The following GUCY1A2 variants were observed in gnomAD, a reference collection of about 807,000 sequenced individuals.
GUCY1A2 encodes the protein guanylate cyclase soluble subunit alpha-2.
Under a neutral mutation model 63.5 loss-of-function variants are expected in GUCY1A2, and 27 were observed. That is an observed-to-expected ratio of 0.43 (90% CI 0.31 to 0.59). The LOEUF (loss-of-function observed/expected upper bound fraction) is 0.59, where lower values mean the gene tolerates loss of function less well. Ranked by LOEUF, GUCY1A2 falls within the 20% of genes least tolerant of loss-of-function variation. The probability of loss-of-function intolerance (pLI) is 0.11; values close to 1 mark genes in which losing one functional copy is unlikely to be tolerated. For missense variants in GUCY1A2, 768 were observed against 913.3 expected (o/e 0.84, Z 2.05); for synonymous variants, 364 against 343.5 (o/e 1.06, Z -0.66).
chr11:106,775,329 C>G (rs144526387), intron 6 of GUCY1A2, among the ~76,000 whole-genome samples: 1 of 152,226 alleles, frequency 6.6e-6, no homozygotes, highest in East Asian at 1.9e-4. Flanking sequence ...CAACCACAAA[C>G]TAGGACCTTA....
chr11:107,002,830 G>A (rs867432292), intron 1 of GUCY1A2, among the ~76,000 whole-genome samples: 3 of 152,270 alleles, frequency 2.0e-5, no homozygotes, highest in Middle Eastern at 3.4e-3. Flanking sequence ...CAATGACTAA[G>A]TTAAAATGAC....
chr11:106,925,449 C>T (rs1860509119), intron 4 of GUCY1A2, among the ~76,000 whole-genome samples: 2 of 152,052 alleles, frequency 1.3e-5, no homozygotes, highest in South Asian at 4.1e-4. Context: ...TAAATGATGT[C>T]ATAGATTCTG....
chr11:106,775,629 C>T (rs955439962), intron 6 of GUCY1A2, among the ~76,000 whole-genome samples: 1 of 152,016 alleles, frequency 6.6e-6, no homozygotes, highest in African/African-American at 2.4e-5. Flanking sequence ...TGTTCAGTGT[C>T]CCCAATCTGC....
chr11:106,744,323 T>C lies in GUCY1A2; in HGVS notation c.1836+32116A>G, dbSNP rs1020492228. Among the ~76,000 whole-genome samples the C allele has an allele frequency of 2.0e-5, 3 of 147,694 alleles. No individual in the cohort carries two copies. In the Admixed American group the frequency reaches 2.1e-4, roughly 10 times the overall value. ...GTGCAGTGGTGCAATCTCAGCTCAC[T>C]GCAAGCTCCACCTCCTGGGTTCATG... On this transcript the variant is annotated intron_variant, in intron 6 of 7. Coordinates refer to ENST00000526355, the MANE Select transcript of GUCY1A2 (RefSeq NM_000855.3).
chr11:106,685,080 C>T lies in GUCY1A2; in HGVS notation c.*2469G>A, dbSNP rs538216265. On this transcript the variant is annotated 3_prime_UTR_variant, in exon 8 of 8. Coordinates refer to ENST00000526355, the MANE Select transcript of GUCY1A2 (RefSeq NM_000855.3). ...CTATAATAGATTAGCAAAATGATAACAAATTGGACCATTATCTCGGACTAT... is the reference window on the plus strand; with the variant it reads ...CTATAATAGATTAGCAAAATGATAATAAATTGGACCATTATCTCGGACTAT... The T allele has an allele frequency of 4.8e-6, 1 of 206,944 alleles. No individual in the cohort carries two copies. The highest frequency in any genetic ancestry group is 9.8e-6 in the Non-Finnish European group (1 of 101,584). 12.8% of individuals were successfully genotyped at this position (206,944 alleles called of 1,614,324 possible).
intron 4 of GUCY1A2, among the ~76,000 whole-genome samples, chr11:106,936,172 T>C (rs954106846): frequency 1.3e-5 from 2 of 152,206 alleles, no homozygotes; most frequent in Admixed American, 6.5e-5. Flanking sequence ...CCAAGAAGCT[T>C]TGTAATCTAT....
intron 4 of GUCY1A2, among the ~76,000 whole-genome samples, chr11:106,898,284 G>A (rs566461411): frequency 3.3e-4 from 51 of 152,280 alleles, no homozygotes; most frequent in African/African-American, 9.1e-4. Context: ...AAGACAGTTT[G>A]GCAGTTTCTT....
At chr11:106,867,106 G>C (rs576116190) in intron 4 of GUCY1A2, among the ~76,000 whole-genome samples, 58 of 152,046 alleles carry the variant, frequency 3.8e-4, no homozygotes, top group Non-Finnish European at 6.3e-4. Context: ...AAGTGCTACT[G>C]GACTCACTCC....
chr11:106,931,277 G>A (rs141386268), intron 4 of GUCY1A2, among the ~76,000 whole-genome samples: 21 of 152,236 alleles, frequency 1.4e-4, no homozygotes, highest in Middle Eastern at 3.4e-3. Flanking sequence ...ACCATCTTTA[G>A]TCATCAGGGA....
chr11:106,757,179 CTG>C (rs1180538837), intron 6 of GUCY1A2, among the ~76,000 whole-genome samples: 5 of 152,094 alleles, frequency 3.3e-5, no homozygotes, highest in South Asian at 2.1e-4. Context: ...AGTTCTTGTG[CTG>C]TGTTTTTCAG....
At chr11:106,829,194 T>C (rs1009295785) in intron 4 of GUCY1A2, among the ~76,000 whole-genome samples, 4 of 152,250 alleles carry the variant, frequency 2.6e-5, no homozygotes, top group Admixed American at 6.5e-5. Context: ...TGTTGCATTT[T>C]ATCGTCCTGC....
intron 6 of GUCY1A2, among the ~76,000 whole-genome samples, chr11:106,769,520 C>T (rs1180273425): frequency 6.6e-6 from 1 of 152,096 alleles, no homozygotes; most frequent in Non-Finnish European, 1.5e-5. Context: ...TGCTGGTACA[C>T]TCACAAATAT....
chr11:106,722,043 T>C (rs1157764726), intron 6 of GUCY1A2, among the ~76,000 whole-genome samples: 2 of 152,196 alleles, frequency 1.3e-5, no homozygotes, highest in African/African-American at 2.4e-5. Context: ...TTTAAATGTT[T>C]GTTGATTGAC....
At chr11:106,929,097 TAAATA>T (rs1860567819) in intron 4 of GUCY1A2, among the ~76,000 whole-genome samples, 1 of 152,208 alleles carries the variant, frequency 6.6e-6, no homozygotes, top group African/African-American at 2.4e-5. Context: ...GTCTAACAAC[TAAATA>T]AACTGAAATA....
chr11:106,757,397 CAAG>C (rs1340820017), intron 6 of GUCY1A2, among the ~76,000 whole-genome samples: 1 of 152,146 alleles, frequency 6.6e-6, no homozygotes, highest in Non-Finnish European at 1.5e-5. Flanking sequence ...CCCTTGCTGG[CAAG>C]AAGTTTTGAT....
intron 4 of GUCY1A2, among the ~76,000 whole-genome samples, chr11:106,927,485 CTT>C (rs1439948609): frequency 6.6e-6 from 1 of 151,970 alleles, no homozygotes; most frequent in Non-Finnish European, 1.5e-5. Flanking sequence ...ACAAAATTTT[CTT>C]TTTGAGTTGA....
At chr11:106,864,124 T>C (rs1859554340) in intron 4 of GUCY1A2, among the ~76,000 whole-genome samples, 1 of 151,828 alleles carries the variant, frequency 6.6e-6, no homozygotes, top group Non-Finnish European at 1.5e-5. Context: ...AGATGATGGG[T>C]TGTTGGGTAC....
chr11:106,906,809 A>T (rs1008742123), intron 4 of GUCY1A2, among the ~76,000 whole-genome samples: 1 of 152,102 alleles, frequency 6.6e-6, no homozygotes, highest in Non-Finnish European at 1.5e-5. Context: ...GCTGGAAACC[A>T]GCATTCTCAG....
At chr11:106,708,205 T>C (rs1433782545) in intron 7 of GUCY1A2, among the ~76,000 whole-genome samples, 1 of 152,106 alleles carries the variant, frequency 6.6e-6, no homozygotes, top group Non-Finnish European at 1.5e-5. Context: ...ATTTCTATTA[T>C]AATGCAGATC....
Sources: allele counts gnomAD v4.1 joint callset (sites outside exome capture counted in the v4.1 genomes callset), GRCh38; gene constraint gnomAD v4.1.1; transcripts MANE v1.5; gene names NCBI Gene and HGNC (gene_info 2026-07-23, HGNC 2026-07-21).